Variants in ANAPC7 observed in about 807,000 individuals in gnomAD.
ANAPC7 encodes the protein anaphase-promoting complex subunit 7.
A neutral mutation model predicts 63.3 loss-of-function variants in ANAPC7; 25 were observed. The observed-to-expected ratio is 0.39, with a 90% CI of 0.29 to 0.55. The LOEUF is 0.55. Ranked by LOEUF, ANAPC7 falls within the 20% of genes least tolerant of loss-of-function variation. ANAPC7 has a pLI of 0.57. For synonymous variants in ANAPC7, 241 were observed against 251.7 expected (o/e 0.96, Z 0.40); for missense variants, 516 against 691.7 (o/e 0.75, Z 2.85).
At chr12:110,402,892 C>T (rs1441621437) in intron 1 of ANAPC7, among the ~76,000 whole-genome samples, 1 of 152,116 alleles carries the variant, frequency 6.6e-6, no homozygotes, top group African/African-American at 2.4e-5. Flanking sequence ...CGCACCATCA[C>T]GCCCGGCTAA....
intron 6 of ANAPC7, among the ~76,000 whole-genome samples, chr12:110,384,332 G>A (rs1403892492): frequency 6.6e-6 from 1 of 152,098 alleles, no homozygotes; most frequent in Non-Finnish European, 1.5e-5. Context: ...AGGAGGTCAA[G>A]GCTGCAGTGA....
At position 110,403,535 on chromosome 12, in the gene ANAPC7, A is replaced by G; in HGVS notation, c.93T>C (p.Asn31=). 1 of 1,601,876 alleles carries G rather than the reference A, an allele frequency of 6.2e-7. No homozygotes were observed. Among genetic ancestry groups the G allele is most frequent in the Non-Finnish European group, 8.5e-7 (1 of 1,174,994 alleles). Residue 31 remains asparagine, a synonymous_variant, in exon 1 of 11, where the codon AAT becomes AAC. Transcript: ENST00000455511. ...LLSSLLLTMS[N]NNPELFSPPQ... ...TACCCGCCTCAACTCACGGGTTGTT[A>G]TTACTCATTGTAAGTAACAAGCTGC...
At chr12:110,395,505 C>T (rs1178529988) in intron 2 of ANAPC7, among the ~76,000 whole-genome samples, 3 of 152,056 alleles carry the variant, frequency 2.0e-5, no homozygotes, top group Non-Finnish European at 4.4e-5. Flanking sequence ...GTTGCCAAGG[C>T]TAGTCTCAAA....
intron 8 of ANAPC7, among the ~76,000 whole-genome samples, chr12:110,379,670 G>C (rs1881632795): frequency 1.3e-5 from 2 of 152,160 alleles, no homozygotes; most frequent in Non-Finnish European, 2.9e-5. Context: ...TATATAAGCA[G>C]ATTTGTTCTC....
At chr12:110,397,873 C>A (rs759763835) in intron 1 of ANAPC7, among the ~76,000 whole-genome samples, 1 of 147,394 alleles carries the variant, frequency 6.8e-6, no homozygotes, top group Admixed American at 6.8e-5. Flanking sequence ...CCAGCCTGGG[C>A]GACAAGAGTG....
intron 1 of ANAPC7, among the ~76,000 whole-genome samples, chr12:110,400,009 T>G (rs1255077862): frequency 6.6e-6 from 1 of 151,862 alleles, no homozygotes; most frequent in Non-Finnish European, 1.5e-5. Flanking sequence ...GAGAACTGCT[T>G]GAACCCAGCA....
At position 110,376,121 on chromosome 12, in the gene ANAPC7, G is replaced by A. The variant is rs2137914479; in HGVS notation, c.1453C>T (p.Leu485Phe). 1 of 1,614,062 alleles carries A rather than the reference G, an allele frequency of 6.2e-7. No individual in the cohort carries two copies. Among genetic ancestry groups the A allele is most frequent in the Non-Finnish European group, 8.5e-7 (1 of 1,180,024 alleles). Reference sequence around the variant, plus strand: ...TCCTGATACTCATTGACAGCTACAAGGAAATCTCCTAGGATCCGATGCAGG... The same window carrying A: ...TCCTGATACTCATTGACAGCTACAAAGAAATCTCCTAGGATCCGATGCAGG... ...CVLHRILGDF[L>F]VAVNEYQEAM... Residue 485 changes from leucine (L) to phenylalanine (F), a missense_variant, in exon 10 of 11, where the codon CTT becomes TTT. Leu to Phe is a conservative substitution (Grantham distance 22, BLOSUM62 0). This residue lies in a region of ANAPC7 where 122 missense variants were observed against 212.0 expected (regional missense o/e 0.58). Transcript: ENST00000455511.
Position 110,381,954 on chromosome 12 carries a change from GAAAAAAAAA to G in ANAPC7, c.936-15_936-7del. 4.1e-6 allele frequency: 4 copies of G among 975,598 alleles called. No individual in the cohort carries two copies. Among genetic ancestry groups the G allele is most frequent in the Non-Finnish European group, 5.4e-6 (4 of 742,890 alleles). 60.4% of individuals were successfully genotyped at this position (975,598 alleles called of 1,614,324 possible). A position where few individuals can be genotyped will look rare whatever the true frequency, so the allele number is the denominator to read the frequency against. ...TGCTATAGAAGCTGTGACAGCTGGAGAAAAAAAAAAAAAAAAAAACACAAAAACCCCAGA... is the reference window on the plus strand; with the variant it reads ...TGCTATAGAAGCTGTGACAGCTGGAGAAAAAAAAAACACAAAAACCCCAGA... On this transcript the variant is annotated splice_polypyrimidine_tract_variant and splice_region_variant and intron_variant, in intron 7 of 10. Coordinates refer to ENST00000455511, the MANE Select transcript of ANAPC7 (RefSeq NM_016238.3).
intron 6 of ANAPC7, chr12:110,383,231 G>A (rs1882110230): frequency 6.5e-6 from 2 of 306,890 alleles, no homozygotes; most frequent in Admixed American, 4.7e-5. Context: ...GAGGTCAGGA[G>A]ATCGAGACCA....
intron 3 of ANAPC7, among the ~76,000 whole-genome samples, chr12:110,391,609 C>G (rs1883090065): frequency 6.6e-6 from 1 of 152,042 alleles, no homozygotes. Flanking sequence ...GTACTGCTGA[C>G]AAATGCAGAC....
intron 6 of ANAPC7, among the ~76,000 whole-genome samples, chr12:110,384,060 G>C (rs1460339367): frequency 6.6e-6 from 1 of 151,622 alleles, no homozygotes; most frequent in East Asian, 2.0e-4. Flanking sequence ...AAATTAGCCA[G>C]GCACAGTGGC....
At chr12:110,376,721 A>AG (rs1478512971) in intron 9 of ANAPC7, among the ~76,000 whole-genome samples, 2 of 150,790 alleles carry the variant, frequency 1.3e-5, no homozygotes, top group African/African-American at 4.9e-5. Context: ...AAAAAAAAAA[A>AG]GGGCCAAACG....
At position 110,395,204 on chromosome 12, in the gene ANAPC7, A is replaced by C. The variant is rs1203205749; in HGVS notation, c.305T>G (p.Ile102Ser). ...TPQSQCLPSE[I>S]EVKYKMAECY... The stretch of plus-strand genomic sequence containing the variant: ...TTCAGCCATTTTGTATTTCACTTCA[A>C]TTTCAGATGGAAGACACTAAAAGAC... Residue 102 changes from isoleucine to serine, a missense_variant, in exon 3 of 11, where the codon ATT (isoleucine) becomes AGT (serine). Ile to Ser is a moderately radical substitution (Grantham distance 142). Around this residue, in one of 4 missense-constraint regions of ANAPC7, gnomAD observed 185 missense variants for 200.3 expected, o/e 0.92. Transcript: ENST00000455511. 1 of 1,612,034 alleles carries C rather than the reference A, an allele frequency of 6.2e-7. No individual in the cohort carries two copies. Among genetic ancestry groups the C allele is most frequent in the African/African-American group, 1.3e-5 (1 of 74,856 alleles).
chr12:110,400,274 ATTAAG>A (rs757238111), intron 1 of ANAPC7, among the ~76,000 whole-genome samples: 5 of 152,208 alleles, frequency 3.3e-5, no homozygotes, highest in Non-Finnish European at 7.3e-5. Flanking sequence ...TTACACATGC[ATTAAG>A]TTATCTCTGT....
At chr12:110,385,520 A>G (rs2137946203) in intron 6 of ANAPC7, among the ~76,000 whole-genome samples, 1 of 152,312 alleles carries the variant, frequency 6.6e-6, no homozygotes, top group East Asian at 1.9e-4. Context: ...TTGCCAGACT[A>G]GTATTTCTAA....
intron 8 of ANAPC7, 64 bp from the exon 9 acceptor site, chr12:110,377,681 C>CT: frequency 1.2e-6 from 2 of 1,602,804 alleles, no homozygotes; most frequent in African/African-American, 1.3e-5. Context: ...TGCTTCCACT[C>CT]TGACAGCTCT....
chr12:110,383,099 G>C (rs1882097212), intron 6 of ANAPC7, 139 bp from the exon 7 acceptor site: 2 of 599,682 alleles, frequency 3.3e-6, no homozygotes, highest in Non-Finnish European at 5.9e-6. Context: ...ACCATCACAG[G>C]CTCCTCCAAC....
rs948879290 is a variant in ANAPC7, at chr12:110,387,648, A to G, written c.674+91T>C. 4.2e-6 allele frequency: 6 copies of G among 1,443,988 alleles called. No homozygotes were observed. The Admixed American group carries it at 6.2e-5, about 15-fold the overall frequency. The allele number at this position is 1,443,988 out of a possible 1,614,324, so 89.4% of individuals were successfully genotyped here. On this transcript the variant is annotated intron_variant, in intron 5 of 10. Transcript: ENST00000455511. Reference sequence around the variant, plus strand: ...CTGGCTGCAGCACCAACAGCAAAGCATCTCATTTTTCTTTTTGCTACTTCA... The same window carrying G: ...CTGGCTGCAGCACCAACAGCAAAGCGTCTCATTTTTCTTTTTGCTACTTCA...
rs61942587 is a variant in ANAPC7 at position 110,388,330 on chromosome 12, C to A, written c.520+182G>T. Among the ~76,000 whole-genome samples the A allele has an allele frequency of 3.3e-5, 5 of 152,268 alleles. No individual in the cohort carries two copies. The South Asian group carries it at 1.0e-3, about 32-fold the overall frequency. ...AGAATTACAGGTGTAAGCCACCATG[C>A]CCGGCCAAAAACCATAATTAAGTAT... On this transcript the variant is annotated intron_variant, in intron 4 of 10. Coordinates refer to ENST00000455511, the MANE Select transcript of ANAPC7 (RefSeq NM_016238.3).
Sources: gnomAD v4.1 joint callset for allele counts (sites outside exome capture counted in the v4.1 genomes callset) on GRCh38, gnomAD v4.1.1 for gene constraint, gnomAD v4.1.1 regional missense constraint, MANE v1.5 for transcripts, NCBI Gene and HGNC (gene_info 2026-07-23, HGNC 2026-07-21) for gene names.